ERMAP: variants seen among roughly 807,000 people sequenced by gnomAD.
ERMAP encodes erythroid membrane-associated protein.
In ERMAP, 34 loss-of-function variants were observed where a neutral mutation model predicts 49.5. The ratio of observed to expected loss-of-function variants is 0.69; its 90% CI spans 0.52 to 0.91. The LOEUF is 0.91. Ranked by LOEUF, ERMAP falls within the 40% of genes least tolerant of loss-of-function variation. The pLI, the probability that ERMAP is intolerant of heterozygous loss-of-function variation, is 0.00. For synonymous variants in ERMAP, 214 were observed against 232.2 expected, an observed-to-expected ratio of 0.92 and a Z score of 0.71; for missense variants, 541 against 582.6, an observed-to-expected ratio of 0.93 and a Z score of 0.74.
intron 1 of ERMAP, among the ~76,000 whole-genome samples, chr1:42,820,017 ATTTTTGAGTCCTTGC>A (rs1453050896): frequency 6.6e-6 from 1 of 152,184 alleles, no homozygotes; most frequent in Non-Finnish European, 1.5e-5. Flanking sequence ...TGGAAGCTAA[ATTTTTGAGTCCTTGC>A]TTGTCTAAAA....
In ERMAP at chr1:42,825,662, A is replaced by G. The variant is rs753913358; in HGVS notation, c.-82A>G. The G allele has an allele frequency of 1.6e-5, 21 of 1,289,378 alleles. No homozygotes were observed. The East Asian group carries it at 3.9e-4, about 24-fold the overall frequency. 79.9% of individuals were successfully genotyped at this position (1,289,378 alleles called of 1,614,324 possible). Reference sequence around the variant, plus strand: ...CTTGCCTGCTCCCTGGTCTCTCTGCATGGGGAAGGAGTGTTCCCAGCTTGC... The same window carrying G: ...CTTGCCTGCTCCCTGGTCTCTCTGCGTGGGGAAGGAGTGTTCCCAGCTTGC... On this transcript the variant is annotated 5_prime_UTR_variant, in exon 2 of 12. An upstream start codon of the reference 5' UTR is lost. Coordinates refer to ENST00000372517, the MANE Select transcript of ERMAP (RefSeq NM_001017922.2).
Position 42,844,881 on chromosome 1 carries a change from C to G in ERMAP, c.*1649C>G, listed in dbSNP as rs1655169380. On this transcript the variant is annotated 3_prime_UTR_variant, in exon 12 of 12. Coordinates refer to ENST00000372517, the MANE Select transcript of ERMAP (RefSeq NM_001017922.2). This position sits in a 1 kb window ranked among gnomAD's most constrained non-coding sequence, Gnocchi z 4.0. The stretch of plus-strand genomic sequence containing the variant: ...AATGTTTGACCAAATAGCTGGGCAT[C>G]TTGTGACCCAGTTAAGTGGATACAT... 6.6e-6 allele frequency: 1 copy of G among 152,206 alleles called. No homozygotes were observed. The highest frequency in any genetic ancestry group is 1.5e-5 in the Non-Finnish European group (1 of 68,036). 9.4% of individuals were successfully genotyped at this position (152,206 alleles called of 1,614,324 possible). A position where few individuals can be genotyped will look rare whatever the true frequency, so the allele number is the denominator to read the frequency against.
chr1:42,830,747 C>T, intron 3 of ERMAP, 21 bp from the exon 4 acceptor site: 4 of 1,510,822 alleles, frequency 2.6e-6, no homozygotes, highest in African/African-American at 1.4e-5. Context: ...CCCAGTTGGC[C>T]TTGTCTCTTT....
chr1:42,827,879 G>A (rs1654598809), intron 2 of ERMAP, among the ~76,000 whole-genome samples: 1 of 152,112 alleles, frequency 6.6e-6, no homozygotes, highest in African/African-American at 2.4e-5. Context: ...GTACCCTGAA[G>A]TGTGTATGAT....
At chr1:42,836,401 G>C (rs1458236930) in intron 6 of ERMAP, among the ~76,000 whole-genome samples, 2 of 152,172 alleles carry the variant, frequency 1.3e-5, no homozygotes, top group East Asian at 3.9e-4. Flanking sequence ...TCACTGGGGA[G>C]TTGAGGAGGT....
chr1:42,823,752 C>T (rs1454891446), intron 1 of ERMAP, among the ~76,000 whole-genome samples: 1 of 152,182 alleles, frequency 6.6e-6, no homozygotes, highest in African/African-American at 2.4e-5. Flanking sequence ...CATTTTGTCA[C>T]ACAAACTATT....
At position 42,831,077 on chromosome 1, in the gene ERMAP, A is replaced by T; in HGVS notation, c.395A>T (p.Asn132Ile). 6.2e-7 allele frequency: 1 copy of T among 1,614,258 alleles called. No individual in the cohort carries two copies. The highest frequency in any genetic ancestry group is 8.5e-7 in the Non-Finnish European group (1 of 1,180,042). Residue 132 changes from asparagine to isoleucine, a missense_variant, in exon 4 of 12, where the codon AAT becomes ATT. Asn to Ile is a moderately radical substitution (Grantham distance 149). Coordinates refer to ENST00000372517, the MANE Select transcript of ERMAP (RefSeq NM_001017922.2). ...GSYRCLIQVG[N>I]LSKEDTVILQ... ...TACCGATGTCTGATCCAAGTTGGAA[A>T]TCTGAGTAAAGAGGACACCGTGATC... is the stretch of plus-strand genomic sequence containing the variant.
Position 42,825,588 on chromosome 1 carries a change from A to G in ERMAP, c.-121-35A>G. On this transcript the variant is annotated intron_variant, in intron 1 of 11. Transcript: ENST00000372517. ...AGAGAGCCCTGGCCTCTCATATTTC[A>G]TAAAATATGAACTTTTCCCGGCCCA... 2.4e-6 allele frequency: 3 copies of G among 1,270,106 alleles called. No homozygotes were observed. The South Asian group carries it at 3.8e-5, about 16-fold the overall frequency. 78.7% of individuals were successfully genotyped at this position (1,270,106 alleles called of 1,614,324 possible). A position where few individuals can be genotyped will look rare whatever the true frequency, so the allele number is the denominator to read the frequency against.
chr1:42,821,309 T>A (rs941244257), intron 1 of ERMAP, among the ~76,000 whole-genome samples: 4 of 152,346 alleles, frequency 2.6e-5, no homozygotes, highest in Non-Finnish European at 4.4e-5. Context: ...TAACTGGAAA[T>A]CTAGAGCTCC....
intron 4 of ERMAP, 150 bp downstream of exon 4, chr1:42,831,265 C>A: frequency 3.0e-6 from 3 of 1,001,106 alleles, no homozygotes; most frequent in Non-Finnish European, 4.3e-6. Flanking sequence ...CAGCCATGTC[C>A]ATTGATCTCA....
chr1:42,826,854 CAA>C (rs11405842), intron 2 of ERMAP, among the ~76,000 whole-genome samples: 3 of 134,038 alleles, frequency 2.2e-5, no homozygotes, highest in African/African-American at 2.8e-5. Flanking sequence ...AACTCTGTCT[CAA>C]AAAAAAAAAA....
chr1:42,817,971 C>T (rs1185296642), intron 1 of ERMAP, among the ~76,000 whole-genome samples: 1 of 152,218 alleles, frequency 6.6e-6, no homozygotes, highest in African/African-American at 2.4e-5. Context: ...TCCCCATTTA[C>T]ACATAAGGGA....
At chr1:42,820,724 A>T (rs1654383702) in intron 1 of ERMAP, among the ~76,000 whole-genome samples, 2 of 151,888 alleles carry the variant, frequency 1.3e-5, no homozygotes, top group Admixed American at 1.3e-4. Context: ...TATGTTGTGG[A>T]TTCAGGATCT....
chr1:42,824,728 T>C (rs1044314862), intron 1 of ERMAP: 1 of 152,280 alleles, frequency 6.6e-6, no homozygotes, highest in African/African-American at 2.4e-5. Context: ...AGAGGAATCA[T>C]GTCGAATACA....
In ERMAP at chr1:42,835,058, T is replaced by TC; in HGVS notation, c.459dup (p.Ser154LeufsTer36). The TC allele has an allele frequency of 6.7e-7, 1 of 1,491,896 alleles. No individual in the cohort carries two copies. The highest frequency in any genetic ancestry group is 9.4e-7 in the Non-Finnish European group (1 of 1,068,372). The allele number at this position is 1,491,896 out of a possible 1,614,324, so 92.4% of individuals were successfully genotyped here. A position where few individuals can be genotyped will look rare whatever the true frequency, so the allele number is the denominator to read the frequency against. On this transcript the variant is annotated frameshift_variant, in exon 5 of 12. Coordinates refer to ENST00000372517, the MANE Select transcript of ERMAP (RefSeq NM_001017922.2). LOFTEE classifies it high-confidence loss of function. ...TTCAGCCCCATCTGTGGGGAGTCTCTCCCCCTCAGCAGTGGCTCTGGCTGT... is the reference window on the plus strand; with the variant it reads ...TTCAGCCCCATCTGTGGGGAGTCTCTCCCCCCTCAGCAGTGGCTCTGGCTGT...
intron 2 of ERMAP, among the ~76,000 whole-genome samples, chr1:42,826,560 A>G (rs1654557334): frequency 2.0e-5 from 3 of 152,160 alleles, no homozygotes; most frequent in African/African-American, 2.4e-5. Context: ...TGACTTGCTT[A>G]AAGTTACAAA....
At position 42,831,055 on chromosome 1, in the gene ERMAP, C is replaced by A. The variant is rs772256111; in HGVS notation, c.373C>A (p.Arg125=). ...GCGCCTTGAGGACCAAGGGTCTTAC[C>A]GATGTCTGATCCAAGTTGGAAATCT... ...DVRLEDQGSY[R]CLIQVGNLSK... Residue 125 remains arginine, a synonymous_variant, in exon 4 of 12, where the codon CGA becomes AGA. Transcript: ENST00000372517. The A allele has an allele frequency of 6.2e-7, 1 of 1,614,198 alleles. No individual in the cohort carries two copies. The highest frequency in any genetic ancestry group is 1.7e-5 in the Admixed American group (1 of 60,024).
chr1:42,821,054 TC>T (rs1654394189), intron 1 of ERMAP, among the ~76,000 whole-genome samples: 1 of 152,196 alleles, frequency 6.6e-6, no homozygotes, highest in South Asian at 2.1e-4. Flanking sequence ...ATCTGATGTT[TC>T]CCCCAATCCT....
In ERMAP at chr1:42,832,753, G is replaced by A. The variant is rs1211440031; in HGVS notation, c.433+1638G>A. 3.3e-5 allele frequency among the ~76,000 whole-genome samples: 5 copies of A among 152,244 alleles called. 1 individual carries two copies. The highest frequency in any genetic ancestry group is 3.3e-4 in the Admixed American group (5 of 15,288). On this transcript the variant is annotated intron_variant, in intron 4 of 11. Coordinates refer to ENST00000372517, the MANE Select transcript of ERMAP (RefSeq NM_001017922.2). ...TATTGCTATGGGTGAATTTTTAAAT[G>A]TCTGAGAATAAAGCTAGAGACTGGC...
Sources: gnomAD v4.1 joint callset for allele counts (sites outside exome capture counted in the v4.1 genomes callset) on GRCh38, gnomAD v4.1.1 for gene constraint, Gnocchi (gnomAD v3.1) non-coding constraint, MANE v1.5 for transcripts, NCBI Gene and HGNC (gene_info 2026-07-23, HGNC 2026-07-21) for gene names.